The following CYTH3 variants were observed in gnomAD, a reference collection of about 807,000 sequenced individuals.
CYTH3 encodes the protein cytohesin-3.
Under a neutral mutation model 55.1 loss-of-function variants are expected in CYTH3, and 23 were observed. The observed-to-expected ratio is 0.42, with a 90% CI of 0.30 to 0.59. The LOEUF (loss-of-function observed/expected upper bound fraction) is 0.59. Among genes scored for constraint, CYTH3 ranks in the 20% least tolerant of loss-of-function variants. CYTH3 has a pLI of 0.20. For missense variants in CYTH3, 413 were observed against 524.8 expected, an observed-to-expected ratio of 0.79 and a Z score of 2.08; for synonymous variants, 249 against 194.9, an observed-to-expected ratio of 1.28 and a Z score of -2.31.
At chr7:6,185,126 A>C (rs1783603117) in intron 4 of CYTH3, among the ~76,000 whole-genome samples, 1 of 152,194 alleles carries the variant, frequency 6.6e-6, no homozygotes, top group Admixed American at 6.5e-5. Context: ...CAAAATATCA[A>C]ATCATTTCCA....
chr7:6,213,065 G>C (rs189410392), intron 1 of CYTH3, among the ~76,000 whole-genome samples: 1 of 152,300 alleles, frequency 6.6e-6, no homozygotes, highest in East Asian at 1.9e-4. Context: ...TTATTGTTTA[G>C]TTTATGTCTC....
chr7:6,199,914 G>C (rs533943759), intron 1 of CYTH3, among the ~76,000 whole-genome samples: 1 of 152,310 alleles, frequency 6.6e-6, no homozygotes, highest in Non-Finnish European at 1.5e-5. Context: ...AACATCATTT[G>C]ATGGTAGACT....
intron 3 of CYTH3, 24 bp from the exon 4 acceptor site, chr7:6,187,140 A>T: frequency 6.2e-7 from 1 of 1,609,590 alleles, no homozygotes; most frequent in Non-Finnish European, 8.5e-7. Flanking sequence ...ATAATTTAAA[A>T]ATCACTCATG....
At chr7:6,265,592 C>T (rs1780472244) in intron 1 of CYTH3, among the ~76,000 whole-genome samples, 2 of 148,578 alleles carry the variant, frequency 1.3e-5, no homozygotes, top group South Asian at 2.1e-4. Flanking sequence ...GCACTCCAGC[C>T]CAGGTGACAG....
intron 1 of CYTH3, among the ~76,000 whole-genome samples, chr7:6,240,992 T>G (rs1477774536): frequency 3.3e-5 from 5 of 150,200 alleles, no homozygotes; most frequent in Non-Finnish European, 7.4e-5. Context: ...CATGGTGGCA[T>G]GTGCCTGTAA....
chr7:6,201,414 T>A (rs1784057140), intron 1 of CYTH3, among the ~76,000 whole-genome samples: 1 of 152,232 alleles, frequency 6.6e-6, no homozygotes, highest in Non-Finnish European at 1.5e-5. Context: ...AATCTCCATG[T>A]GGTGATCTTC....
chr7:6,223,234 C>A (rs1304579102), intron 1 of CYTH3, among the ~76,000 whole-genome samples: 2 of 152,034 alleles, frequency 1.3e-5, no homozygotes. Context: ...GCCGCCCCAT[C>A]TGGGAACTGA....
intron 4 of CYTH3, among the ~76,000 whole-genome samples, 177 bp from the exon 5 acceptor site, chr7:6,178,118 C>T (rs111907340): frequency 0.013 from 2,036 of 152,292 alleles, 43 homozygotes; most frequent in African/African-American, 0.047. Context: ...ATTTTATCCA[C>T]CAAAGAAACG....
At chr7:6,259,848 A>T (rs1449965183) in intron 1 of CYTH3, among the ~76,000 whole-genome samples, 5 of 77,102 alleles carry the variant, frequency 6.5e-5, no homozygotes, top group Admixed American at 1.7e-4. Context: ...TTTTTTTTTT[A>T]AGACGGATTT....
rs372761845 is a variant in CYTH3, at chr7:6,174,926, G to A, written c.369-1193C>T. 3.4e-3 allele frequency among the ~76,000 whole-genome samples: 520 copies of A among 152,250 alleles called. 2 individuals carry two copies. The highest frequency in any genetic ancestry group is 0.012 in the African/African-American group (500 of 41,554). ...TGTGCTTATTGGCCACTTGTGTAAC[G>A]TCTATTCAGATCCTTTGCCAGTTTA... On this transcript the variant is annotated intron_variant, in intron 5 of 12. Coordinates refer to ENST00000350796, the MANE Select transcript of CYTH3 (RefSeq NM_004227.4).
At chr7:6,258,005 A>G (rs961460604) in intron 1 of CYTH3, among the ~76,000 whole-genome samples, 1 of 152,174 alleles carries the variant, frequency 6.6e-6, no homozygotes, top group Non-Finnish European at 1.5e-5. Flanking sequence ...AAAGTCTAGC[A>G]TAAGAAATGC....
At chr7:6,217,886 A>G (rs1273118733) in intron 1 of CYTH3, among the ~76,000 whole-genome samples, 1 of 152,178 alleles carries the variant, frequency 6.6e-6, no homozygotes, top group African/African-American at 2.4e-5. Flanking sequence ...TAGATTAAAA[A>G]AAAAATAGAT....
In CYTH3 at chr7:6,170,406, A is replaced by T; in HGVS notation, c.823+129T>A. On this transcript the variant is annotated intron_variant, in intron 9 of 12. Transcript: ENST00000350796. This position sits in a 1 kb window ranked among gnomAD's most constrained non-coding sequence, Gnocchi z 7.8. ...AGCTACCGAGAGCGGGCTCTGGCTT[A>T]ACCGCGTTTCTTTTTAACGTCTCTG... 1.2e-6 allele frequency: 1 copy of T among 841,488 alleles called. No individual in the cohort carries two copies. Among genetic ancestry groups the T allele is most frequent in the Non-Finnish European group, 1.8e-6 (1 of 552,052 alleles). The allele number at this position is 841,488 out of a possible 1,614,324, so 52.1% of individuals were successfully genotyped here. A position where few individuals can be genotyped will look rare whatever the true frequency, so the allele number is the denominator to read the frequency against.
At chr7:6,251,458 A>C (rs1272092916) in intron 1 of CYTH3, among the ~76,000 whole-genome samples, 1 of 152,080 alleles carries the variant, frequency 6.6e-6, no homozygotes, top group Admixed American at 6.6e-5. Context: ...ACGTGTGAGA[A>C]GCATGGAGAC....
intron 1 of CYTH3, among the ~76,000 whole-genome samples, chr7:6,248,190 ATTCTTT>A (rs1779869952): frequency 6.8e-6 from 1 of 146,990 alleles, no homozygotes; most frequent in Admixed American, 6.9e-5. Context: ...ATGTTGCTTT[ATTCTTT>A]ATTTCTGAAC....
Position 6,171,033 on chromosome 7 carries a change from C to A in CYTH3, c.563-55G>T. The A allele has an allele frequency of 1.2e-6, 2 of 1,605,652 alleles. No homozygotes were observed. Among genetic ancestry groups the A allele is most frequent in the Non-Finnish European group, 1.7e-6 (2 of 1,175,706 alleles). On this transcript the variant is annotated intron_variant, in intron 7 of 12. Coordinates refer to ENST00000350796, the MANE Select transcript of CYTH3 (RefSeq NM_004227.4). This position sits in a 1 kb window ranked among gnomAD's most constrained non-coding sequence, Gnocchi z 6.7. The stretch of plus-strand genomic sequence containing the variant: ...CCAGAACCTCCAGTGGACAGTGGGA[C>A]CCCGCGTGCTGGGGGCCCGCCTGCA...
At chr7:6,258,431 A>T (rs1166945777) in intron 1 of CYTH3, among the ~76,000 whole-genome samples, 6 of 152,200 alleles carry the variant, frequency 3.9e-5, no homozygotes, top group Admixed American at 2.6e-4. Flanking sequence ...CTTGGGTGAC[A>T]CTTTCACCTC....
chr7:6,251,127 T>C (rs1283015315), intron 1 of CYTH3, among the ~76,000 whole-genome samples: 1 of 152,064 alleles, frequency 6.6e-6, no homozygotes, highest in African/African-American at 2.4e-5. Context: ...ATAGAAAAAT[T>C]AGCTGGACGT....
chr7:6,191,525 A>AACGCT (rs575881008), intron 1 of CYTH3, among the ~76,000 whole-genome samples: 1 of 152,090 alleles, frequency 6.6e-6, no homozygotes, highest in Non-Finnish European at 1.5e-5. Flanking sequence ...GTGAAGGGGA[A>AACGCT]ACGCTACACA....
Sources: allele counts gnomAD v4.1 joint callset (sites outside exome capture counted in the v4.1 genomes callset), GRCh38; gene constraint gnomAD v4.1.1; non-coding constraint Gnocchi (gnomAD v3.1); transcripts MANE v1.5; gene names NCBI Gene and HGNC (gene_info 2026-07-23, HGNC 2026-07-21).